Variants in NBEA observed in about 807,000 individuals in gnomAD.
NBEA encodes lysosomal-trafficking regulator 2.
A neutral mutation model predicts 343.4 loss-of-function variants in NBEA; 44 were observed. That is an observed-to-expected ratio of 0.13 (90% CI 0.10 to 0.16). The LOEUF (loss-of-function observed/expected upper bound fraction) is 0.16. Among genes scored for constraint, NBEA ranks in the 10% least tolerant of loss-of-function variants. NBEA has a pLI of 1.00. For missense variants in NBEA, 2,555 were observed against 3,631.3 expected (o/e 0.70, Z 7.62); for synonymous variants, 1,175 against 1,238.7 (o/e 0.95, Z 1.08).
intron 1 of NBEA, among the ~76,000 whole-genome samples, chr13:35,000,957 T>G (rs1017554186): frequency 3.3e-5 from 5 of 151,106 alleles, no homozygotes; most frequent in East Asian, 1.9e-4. Flanking sequence ...ACATAGTTGG[T>G]TTTTTTTTGT....
intron 38 of NBEA, among the ~76,000 whole-genome samples, chr13:35,418,243 T>C (rs139306683): frequency 6.6e-6 from 1 of 152,284 alleles, no homozygotes; most frequent in African/African-American, 2.4e-5. Context: ...CATTTACATT[T>C]AAAGTTAATA....
Position 34,990,290 on chromosome 13 carries a change from A to G in NBEA, c.294+47176A>G, listed in dbSNP as rs140567044. 2.0e-4 allele frequency among the ~76,000 whole-genome samples: 31 copies of G among 151,270 alleles called. 1 individual carries two copies. The highest frequency in any genetic ancestry group is 7.5e-4 in the African/African-American group (31 of 41,504). ...CTTCACACTGCTTAGTAGATTCTCC[A>G]TGAGGGCTCTGCCCCTGTAGCAGAC... On this transcript the variant is annotated intron_variant, in intron 1 of 58. Transcript: ENST00000379939.
intron 26 of NBEA, among the ~76,000 whole-genome samples, chr13:35,172,523 T>G (rs1055205624): frequency 6.6e-6 from 1 of 152,100 alleles, no homozygotes; most frequent in African/African-American, 2.4e-5. Flanking sequence ...TTCTGTACTT[T>G]TATTTTTAAA....
chr13:35,654,514 T>C (rs1033068285), intron 53 of NBEA, among the ~76,000 whole-genome samples: 1 of 152,258 alleles, frequency 6.6e-6, no homozygotes, highest in Non-Finnish European at 1.5e-5. Flanking sequence ...CATGTGATTC[T>C]TATAAACTAA....
intron 33 of NBEA, among the ~76,000 whole-genome samples, chr13:35,227,858 A>G (rs371105437): frequency 2.0e-5 from 3 of 152,052 alleles, no homozygotes; most frequent in African/African-American, 7.2e-5. Context: ...TAGAATTATT[A>G]TATTTTTCTA....
intron 49 of NBEA, among the ~76,000 whole-genome samples, chr13:35,628,714 T>A (rs1474921879): frequency 6.6e-6 from 1 of 152,120 alleles, no homozygotes; most frequent in Non-Finnish European, 1.5e-5. Flanking sequence ...GCCCAGGAGT[T>A]CGAGACCAGC....
Position 35,036,004 on chromosome 13 carries a change from T to A in NBEA, c.295-4929T>A, listed in dbSNP as rs1359370141. Among the ~76,000 whole-genome samples, 10 of 152,058 alleles carry A rather than the reference T, an allele frequency of 6.6e-5. No individual in the cohort carries two copies. The South Asian group carries it at 2.1e-3, about 31-fold the overall frequency. On this transcript the variant is annotated intron_variant, in intron 1 of 58. Coordinates refer to ENST00000379939, the MANE Select transcript of NBEA (RefSeq NM_001385012.1). ...CTTTTGATTGGTGAGTTTAGTGTAT[T>A]TACATTCAATGTTATTATTAAGTAA...
At chr13:35,044,890 C>T (rs576754023) in intron 2 of NBEA, 57 bp from the exon 3 acceptor site, 3 of 1,334,084 alleles carry the variant, frequency 2.2e-6, no homozygotes, top group East Asian at 2.5e-5. Flanking sequence ...AAGTATATTA[C>T]CTTGACAGAT....
At chr13:35,072,407 T>G (rs1231201414) in intron 10 of NBEA, among the ~76,000 whole-genome samples, 4 of 152,150 alleles carry the variant, frequency 2.6e-5, no homozygotes, top group African/African-American at 9.7e-5. Context: ...TAAATTGTAT[T>G]TATTTCATCG....
At chr13:35,065,966 A>C (rs2063636883) in intron 8 of NBEA, among the ~76,000 whole-genome samples, 2 of 148,564 alleles carry the variant, frequency 1.3e-5, no homozygotes, top group Non-Finnish European at 1.5e-5. Context: ...TCGTGTGTAC[A>C]TTTTTTTTTT....
chr13:35,594,734 G>C (rs1387579524), intron 47 of NBEA, among the ~76,000 whole-genome samples: 8 of 151,900 alleles, frequency 5.3e-5, no homozygotes, highest in Non-Finnish European at 1.0e-4. Flanking sequence ...CAGAAAATGG[G>C]AGTCCATAGG....
chr13:35,364,835 C>T (rs972013814), intron 38 of NBEA, among the ~76,000 whole-genome samples: 3 of 151,732 alleles, frequency 2.0e-5, no homozygotes, highest in African/African-American at 7.3e-5. Context: ...TAACAGGAGC[C>T]TTAAAAGAAT....
At chr13:35,536,737 T>C (rs1051553163) in intron 41 of NBEA, among the ~76,000 whole-genome samples, 4 of 152,218 alleles carry the variant, frequency 2.6e-5, no homozygotes, top group African/African-American at 9.6e-5. Context: ...TAGTCGTGGA[T>C]GCTGTCAAAA....
chr13:35,671,817 G>T lies in NBEA; in HGVS notation c.*826G>T, dbSNP rs530275280. 9.2e-5 allele frequency: 14 copies of T among 152,728 alleles called. No homozygotes were observed. The highest frequency in any genetic ancestry group is 3.1e-4 in the African/African-American group (13 of 41,562). The allele number at this position is 152,728 out of a possible 1,614,324, so 9.5% of individuals were successfully genotyped here. A position where few individuals can be genotyped will look rare whatever the true frequency, so the allele number is the denominator to read the frequency against. ...AAGACACAGCAGAAAGGGGGCTTAG[G>T]GATGAGGTCCTGGTTTTTCTTGTAT... On this transcript the variant is annotated 3_prime_UTR_variant, in exon 59 of 59. Coordinates refer to ENST00000379939, the MANE Select transcript of NBEA (RefSeq NM_001385012.1).
intron 48 of NBEA, among the ~76,000 whole-genome samples, 169 bp downstream of exon 48, chr13:35,606,747 C>T (rs2082296972): frequency 1.3e-5 from 2 of 152,140 alleles, no homozygotes; most frequent in South Asian, 4.1e-4. Context: ...GTCTTGACAG[C>T]ATTCCTTATT....
chr13:35,028,570 G>T, intron 1 of NBEA, among the ~76,000 whole-genome samples: 1 of 151,836 alleles, frequency 6.6e-6, no homozygotes, highest in Non-Finnish European at 1.5e-5. Context: ...CTTTAGGCCG[G>T]TTCATGTCAT....
intron 38 of NBEA, among the ~76,000 whole-genome samples, chr13:35,422,871 T>A (rs1265977461): frequency 2.0e-5 from 3 of 152,196 alleles, no homozygotes; most frequent in Non-Finnish European, 4.4e-5. Flanking sequence ...CTCATTGTGG[T>A]TTTGATTTGC....
At chr13:35,484,809 G>A (rs187338006) in intron 41 of NBEA, among the ~76,000 whole-genome samples, 1 of 151,964 alleles carries the variant, frequency 6.6e-6, no homozygotes. Flanking sequence ...TTTATTTGTG[G>A]AAAACTAGTT....
At chr13:35,214,944 T>G (rs113263202) in intron 33 of NBEA, among the ~76,000 whole-genome samples, 2 of 151,732 alleles carry the variant, frequency 1.3e-5, no homozygotes, top group Non-Finnish European at 3.0e-5. Flanking sequence ...TCAATTACCT[T>G]GGAATTGATT....
Sources: allele counts gnomAD v4.1 joint callset (sites outside exome capture counted in the v4.1 genomes callset), GRCh38; gene constraint gnomAD v4.1.1; transcripts MANE v1.5; gene names NCBI Gene and HGNC (gene_info 2026-07-23, HGNC 2026-07-21).